Variants in USP40 observed in about 807,000 individuals in gnomAD.
USP40 encodes ubiquitin specific peptidase 40, also known as ubiquitin carboxyl-terminal hydrolase 40.
In USP40, 143 loss-of-function variants were observed where a neutral mutation model predicts 166.2. The observed-to-expected ratio is 0.86, with a 90% CI of 0.75 to 0.99. The LOEUF is 0.99. USP40 is among the 50% of genes least tolerant of loss of function. USP40 has a pLI of 0.00. For synonymous variants in USP40, 498 were observed against 524.0 expected (o/e 0.95, Z 0.68); for missense variants, 1,444 against 1,479.7 (o/e 0.98, Z 0.40).
At chr2:233,479,354 A>G (rs1000211676) in intron 31 of USP40, among the ~76,000 whole-genome samples, 3 of 152,260 alleles carry the variant, frequency 2.0e-5, no homozygotes, top group Non-Finnish European at 4.4e-5. Flanking sequence ...CACAAGGTCA[A>G]GAGATTGAGA....
intron 17 of USP40, among the ~76,000 whole-genome samples, chr2:233,519,961 C>G (rs2067541796): frequency 6.6e-6 from 1 of 152,058 alleles, no homozygotes; most frequent in Non-Finnish European, 1.5e-5. Context: ...AAGAAACTAG[C>G]TGAAAGGCAA....
chr2:233,492,323 T>A (rs184982413), intron 25 of USP40, among the ~76,000 whole-genome samples: 1 of 152,360 alleles, frequency 6.6e-6, no homozygotes, highest in East Asian at 1.9e-4. Flanking sequence ...CTCTACCGTG[T>A]TCACATAATG....
intron 12 of USP40, among the ~76,000 whole-genome samples, chr2:233,528,755 C>T (rs1309405752): frequency 2.6e-5 from 4 of 152,072 alleles, no homozygotes; most frequent in Non-Finnish European, 5.9e-5. Context: ...ATGTCAAATA[C>T]ACCCTGTCAC....
chr2:233,525,196 T>C (rs2125234830), intron 14 of USP40, among the ~76,000 whole-genome samples: 1 of 152,340 alleles, frequency 6.6e-6, no homozygotes, highest in Middle Eastern at 3.4e-3. Context: ...TGTGTCAATA[T>C]AAAAAATTCT....
intron 20 of USP40, among the ~76,000 whole-genome samples, chr2:233,510,383 T>C (rs935225053): frequency 2.9e-4 from 41 of 143,108 alleles, no homozygotes; most frequent in Middle Eastern, 3.4e-3. Flanking sequence ...ACACTACTTC[T>C]TTTTCTTTCT....
chr2:233,479,382 G>A (rs1376689521), intron 31 of USP40, among the ~76,000 whole-genome samples: 12 of 152,108 alleles, frequency 7.9e-5, no homozygotes, highest in African/African-American at 2.9e-4. Flanking sequence ...GGCCAACATG[G>A]TGAAACCTCG....
intron 8 of USP40, among the ~76,000 whole-genome samples, chr2:233,543,082 G>A (rs2125321209): frequency 6.6e-6 from 1 of 152,206 alleles, no homozygotes; most frequent in East Asian, 1.9e-4. Context: ...GACCATCCAA[G>A]TTTTCACCCC....
Position 233,493,360 on chromosome 2 carries a change from G to A in USP40, c.2917+65C>T, listed in dbSNP as rs1042589943. 6.2e-7 allele frequency: 1 copy of A among 1,607,286 alleles called. No individual in the cohort carries two copies. The highest frequency in any genetic ancestry group is 1.3e-5 in the African/African-American group (1 of 74,914). ...ATAAATATATCAATTGACTCTCAGA[G>A]CACAGGCAGTCAATTTACTTCTCTT... On this transcript the variant is annotated intron_variant, in intron 25 of 31. Coordinates refer to ENST00000678225, the MANE Select transcript of USP40 (RefSeq NM_001365479.2). This position sits in a 1 kb window ranked among gnomAD's most constrained non-coding sequence, Gnocchi z 4.7.
At chr2:233,479,766 T>TG in intron 31 of USP40, among the ~76,000 whole-genome samples, 2 of 151,968 alleles carry the variant, frequency 1.3e-5, no homozygotes, top group South Asian at 4.2e-4. Context: ...GAGCTGCGAA[T>TG]GGGGGTGAGG....
chr2:233,544,293 C>T (rs988371525), intron 8 of USP40, among the ~76,000 whole-genome samples: 5 of 152,176 alleles, frequency 3.3e-5, no homozygotes, highest in African/African-American at 1.2e-4. Flanking sequence ...AACTCTGTTT[C>T]CGTGGAGTCG....
Position 233,485,842 on chromosome 2 carries a change from A to G in USP40, c.3333T>C (p.Tyr1111=), listed in dbSNP as rs377604509. ...TTTCAATCTTCTCCACGGGAAGACG[A>G]TAGAAATCGGCAACTCTCTGCCTCA... The part of the protein sequence containing the change: ...GSLRQRVADF[Y]RLPVEKIEIA... The change falls in exon 29 of 32, where the codon TAT becomes TAC. Residue 1111 remains tyrosine, a synonymous_variant. Transcript: ENST00000678225. 18 of 1,610,846 alleles carry G rather than the reference A, an allele frequency of 1.1e-5. No homozygotes were observed. Among genetic ancestry groups the G allele is most frequent in the Non-Finnish European group, 1.5e-5 (18 of 1,178,932 alleles).
chr2:233,549,357 T>C, intron 7 of USP40, 128 bp from the exon 8 acceptor site: 1 of 647,958 alleles, frequency 1.5e-6, no homozygotes. Flanking sequence ...AGAGTAAAGA[T>C]GAATTCAAGT....
chr2:233,494,954 A>ATATATATATATATATT (rs1559224325), intron 24 of USP40, among the ~76,000 whole-genome samples: 1 of 26,996 alleles, frequency 3.7e-5, no homozygotes, highest in African/African-American at 1.8e-4. Context: ...ATATATATAT[A>ATATATATATATATATT]TTTATATATA....
intron 31 of USP40, 142 bp downstream of exon 31, chr2:233,481,061 A>C (rs1004241723): frequency 1.4e-6 from 1 of 724,154 alleles, no homozygotes; most frequent in South Asian, 2.1e-5. Flanking sequence ...CAGGGGGCGG[A>C]GAAGGACCCG....
At chr2:233,525,353 G>C in intron 14 of USP40, 125 bp downstream of exon 14, 1 of 584,804 alleles carries the variant, frequency 1.7e-6, no homozygotes, top group South Asian at 3.0e-5. Flanking sequence ...ACAGTGTGAA[G>C]ATAATCTACT....
intron 17 of USP40, among the ~76,000 whole-genome samples, chr2:233,520,558 T>C (rs534655321): frequency 6.6e-6 from 1 of 152,238 alleles, no homozygotes; most frequent in South Asian, 2.1e-4. Context: ...CACCTGGCTT[T>C]ACAGAAAAAC....
chr2:233,558,379 A>G (rs529155588), intron 4 of USP40, among the ~76,000 whole-genome samples: 6 of 152,282 alleles, frequency 3.9e-5, no homozygotes, highest in African/African-American at 1.4e-4. Context: ...ATTAAAAAAA[A>G]AAAACAAAAA....
In USP40 at chr2:233,510,105, C is replaced by G. The variant is rs762156868; in HGVS notation, c.2557G>C (p.Val853Leu). 1 of 1,604,486 alleles carries G rather than the reference C, an allele frequency of 6.2e-7. No individual in the cohort carries two copies. The highest frequency in any genetic ancestry group is 2.2e-5 in the East Asian group (1 of 44,710). The change falls in exon 21 of 32, where the codon GTT becomes CTT. Residue 853 changes from valine (V) to leucine (L), a missense_variant. Transcript: ENST00000678225. ...ATTTCCATTTCTGTCCCAGGTTGAA[C>G]GTCACTCCCCATTGCAAAAAACAGG... ...LFLFFAMGSDVQPGTEMEIVV... is the reference protein window; with the variant it reads ...LFLFFAMGSDLQPGTEMEIVV...
intron 4 of USP40, among the ~76,000 whole-genome samples, chr2:233,558,062 G>A (rs1575347399): frequency 7.4e-6 from 1 of 135,520 alleles, no homozygotes; most frequent in South Asian, 2.4e-4. Context: ...GTGGATGAAA[G>A]CTGGAGGACT....
Sources: allele counts gnomAD v4.1 joint callset (sites outside exome capture counted in the v4.1 genomes callset), GRCh38; gene constraint gnomAD v4.1.1; non-coding constraint Gnocchi (gnomAD v3.1); transcripts MANE v1.5; gene names NCBI Gene and HGNC (gene_info 2026-07-23, HGNC 2026-07-21).